Variants in CACNA2D3 observed in about 807,000 individuals in gnomAD.
CACNA2D3 encodes voltage-dependent calcium channel subunit alpha-2/delta-3.
CACNA2D3 carries 60 observed loss-of-function variants against 160.6 expected under a neutral mutation model. The observed-to-expected ratio is 0.37, with a 90% CI of 0.30 to 0.46. The LOEUF (loss-of-function observed/expected upper bound fraction) is 0.46, where lower values mean the gene tolerates loss of function less well. CACNA2D3 is among the 20% of genes least tolerant of loss of function. The pLI, the probability that CACNA2D3 is intolerant of heterozygous loss-of-function variation, is 1.00. For missense variants in CACNA2D3, 1,205 were observed against 1,365.0 expected (o/e 0.88, Z 1.85); for synonymous variants, 558 against 492.9 (o/e 1.13, Z -1.75).
chr3:54,868,945 A>C (rs1699465025), intron 17 of CACNA2D3, among the ~76,000 whole-genome samples: 1 of 152,204 alleles, frequency 6.6e-6, no homozygotes, highest in Admixed American at 6.5e-5. Context: ...ATTTCATTTA[A>C]TACTCTCAAC....
chr3:54,807,743 GACACATGC>G (rs1703170954), intron 13 of CACNA2D3, among the ~76,000 whole-genome samples: 2 of 152,008 alleles, frequency 1.3e-5, no homozygotes, highest in Admixed American at 1.3e-4. Context: ...CTGCTATAAA[GACACATGC>G]ACACATATGT....
intron 5 of CACNA2D3, among the ~76,000 whole-genome samples, chr3:54,518,621 C>T (rs1302537068): frequency 1.3e-5 from 2 of 152,242 alleles, no homozygotes; most frequent in Non-Finnish European, 2.9e-5. Flanking sequence ...ATGCTCTCTG[C>T]TTATCCTGAC....
chr3:54,598,181 G>A (rs1243378921), intron 9 of CACNA2D3, among the ~76,000 whole-genome samples: 1 of 150,962 alleles, frequency 6.6e-6, no homozygotes, highest in East Asian at 1.9e-4. Context: ...GGCGATGTGT[G>A]TCTGTAATTC....
At chr3:54,249,558 TACAC>T (rs149515122) in intron 2 of CACNA2D3, among the ~76,000 whole-genome samples, 39 of 123,790 alleles carry the variant, frequency 3.2e-4, no homozygotes, top group African/African-American at 8.4e-4. Context: ...TCTGTTTACG[TACAC>T]ACACACACAC....
At chr3:54,528,896 G>A (rs1701765233) in intron 5 of CACNA2D3, among the ~76,000 whole-genome samples, 1 of 152,206 alleles carries the variant, frequency 6.6e-6, no homozygotes, top group African/African-American at 2.4e-5. Flanking sequence ...ATATTAGTGT[G>A]GGGACTTAAG....
chr3:54,469,048 C>T (rs1191315269), intron 4 of CACNA2D3, among the ~76,000 whole-genome samples: 1 of 152,228 alleles, frequency 6.6e-6, no homozygotes. Context: ...GAGAACAGCC[C>T]ATCTCCCAGC....
At chr3:54,182,444 G>T (rs1171251230) in intron 2 of CACNA2D3, among the ~76,000 whole-genome samples, 1 of 152,152 alleles carries the variant, frequency 6.6e-6, no homozygotes, top group Non-Finnish European at 1.5e-5. Flanking sequence ...CCAGGAGTCC[G>T]CTCGTCACTG....
chr3:54,685,785 T>G (rs1287969659), intron 11 of CACNA2D3, among the ~76,000 whole-genome samples: 1 of 152,220 alleles, frequency 6.6e-6, no homozygotes, highest in Non-Finnish European at 1.5e-5. Context: ...TTTTGTGTTT[T>G]GGGAGTTGTT....
At chr3:54,454,791 C>A (rs547495322) in intron 4 of CACNA2D3, among the ~76,000 whole-genome samples, 3 of 152,130 alleles carry the variant, frequency 2.0e-5, no homozygotes, top group Admixed American at 2.0e-4. Context: ...ATTCTACTCT[C>A]TGCTTATATG....
chr3:54,723,858 C>T (rs942860022), intron 11 of CACNA2D3, among the ~76,000 whole-genome samples: 7 of 152,194 alleles, frequency 4.6e-5, no homozygotes, highest in African/African-American at 7.2e-5. Context: ...GAAACTGCAT[C>T]AACTAACAGA....
chr3:54,420,024 C>T (rs1559476540), intron 4 of CACNA2D3, among the ~76,000 whole-genome samples: 1 of 152,048 alleles, frequency 6.6e-6, no homozygotes, highest in Non-Finnish European at 1.5e-5. Flanking sequence ...CCAAGGCTTC[C>T]CAAAGTGCTG....
intron 35 of CACNA2D3, among the ~76,000 whole-genome samples, chr3:55,045,232 T>C (rs1265314128): frequency 6.6e-6 from 1 of 152,144 alleles, no homozygotes; most frequent in East Asian, 1.9e-4. Context: ...GTATTTTTAG[T>C]AGAGATGGGG....
chr3:55,036,992 G>T (rs1219608602), intron 35 of CACNA2D3, among the ~76,000 whole-genome samples: 1 of 150,814 alleles, frequency 6.6e-6, no homozygotes, highest in African/African-American at 2.4e-5. Context: ...CTGGGAATCT[G>T]CACTTTGGCC....
At chr3:54,460,863 A>G (rs183412640) in intron 4 of CACNA2D3, among the ~76,000 whole-genome samples, 87 of 152,306 alleles carry the variant, frequency 5.7e-4, no homozygotes, top group African/African-American at 2.1e-3. Flanking sequence ...CAGTTTTCAA[A>G]GGGAATGCTT....
At position 54,399,852 on chromosome 3, in the gene CACNA2D3, C is replaced by T. The variant is rs1301327577; in HGVS notation, c.381+13078C>T. ...GAGCTGTGGTGGGCTCCACCCAGTT[C>T]GAGCTTCCCAGCAAGCCTGGGCAAT... On this transcript the variant is annotated intron_variant, in intron 4 of 37. Coordinates refer to ENST00000474759, the MANE Select transcript of CACNA2D3 (RefSeq NM_018398.3). Among the ~76,000 whole-genome samples the T allele has an allele frequency of 7.2e-5, 9 of 124,618 alleles. 1 individual carries two copies. Among genetic ancestry groups the T allele is most frequent in the South Asian group, 2.6e-4 (1 of 3,818 alleles). The allele number at this position is 124,618 out of a possible 152,430, so 81.8% of individuals were successfully genotyped here.
intron 11 of CACNA2D3, among the ~76,000 whole-genome samples, chr3:54,752,046 A>C (rs1457838500): frequency 6.6e-6 from 1 of 151,948 alleles, no homozygotes; most frequent in African/African-American, 2.4e-5. Flanking sequence ...AAAGCTTAGG[A>C]AGACTAGAAA....
intron 4 of CACNA2D3, among the ~76,000 whole-genome samples, chr3:54,431,251 C>A (rs1251114485): frequency 6.6e-6 from 1 of 151,114 alleles, no homozygotes; most frequent in African/African-American, 2.4e-5. Flanking sequence ...GCAGGAAAAT[C>A]GCTTGAATCC....
intron 13 of CACNA2D3, among the ~76,000 whole-genome samples, chr3:54,815,404 G>A (rs1322900255): frequency 1.3e-5 from 2 of 152,142 alleles, no homozygotes; most frequent in African/African-American, 4.8e-5. Context: ...CAGGGGCAGG[G>A]GTTTAGGGCA....
chr3:54,229,038 T>C (rs772976910), intron 2 of CACNA2D3, among the ~76,000 whole-genome samples: 1 of 152,212 alleles, frequency 6.6e-6, no homozygotes, highest in Non-Finnish European at 1.5e-5. Context: ...AATGAATGCA[T>C]ACGTTTCCTA....
Sources: gnomAD v4.1 joint callset for allele counts (sites outside exome capture counted in the v4.1 genomes callset) on GRCh38, gnomAD v4.1.1 for gene constraint, MANE v1.5 for transcripts, NCBI Gene and HGNC (gene_info 2026-07-23, HGNC 2026-07-21) for gene names.